The following OR51B5 variants were observed in gnomAD, a reference collection of about 807,000 sequenced individuals.
OR51B5 encodes the protein olfactory receptor 51B5.
For missense variants in OR51B5, 456 were observed against 374.6 expected (o/e 1.22, Z -1.79); for synonymous variants, 186 against 144.8 (o/e 1.28, Z -2.04).
chr11:5,390,404 G>C (rs753784765), intron 1 of OR51B5: 4 of 1,539,204 alleles, frequency 2.6e-6, no homozygotes, highest in East Asian at 2.3e-5. Context: ...ACTCCCCCTA[G>C]AGGCCTATAA....
chr11:5,343,260 C>T lies in OR51B5; in HGVS notation c.265G>A (p.Glu89Lys), dbSNP rs1441314371. Residue 89 changes from glutamate to lysine, a missense_variant, in exon 1 of 1, where the codon GAG becomes AAG. By Grantham distance (56) the Glu-to-Lys change is moderately conservative. Transcript: ENST00000300773. Reference sequence around the variant, plus strand: ...GAAAAGCAGGCCGCACTTCCAATCTCCCTGTGATCCAGCCAGAGGACTCCC... The same window carrying T: ...GAAAAGCAGGCCGCACTTCCAATCTTCCTGTGATCCAGCCAGAGGACTCCC... The T allele has an allele frequency of 3.1e-6, 5 of 1,613,324 alleles. No homozygotes were observed. The African/African-American group carries it at 4.0e-5, about 13-fold the overall frequency.
At chr11:5,421,234 G>A (rs1850330922) in intron 1 of OR51B5, among the ~76,000 whole-genome samples, 1 of 152,182 alleles carries the variant, frequency 6.6e-6, no homozygotes, top group South Asian at 2.1e-4. Flanking sequence ...GAAGCGACCT[G>A]CCACACCTTC....
At chr11:5,502,707 C>T (rs1441143292) in intron 1 of OR51B5, among the ~76,000 whole-genome samples, 2 of 152,166 alleles carry the variant, frequency 1.3e-5, no homozygotes, top group Non-Finnish European at 1.5e-5. Context: ...CCTTCTTATG[C>T]CTTAGTTTAC....
At chr11:5,492,595 G>A (rs897270319) in intron 1 of OR51B5, among the ~76,000 whole-genome samples, 3 of 152,176 alleles carry the variant, frequency 2.0e-5, no homozygotes, top group South Asian at 2.1e-4. Flanking sequence ...CAAGGGAATT[G>A]ATTGATTCTG....
intron 1 of OR51B5, among the ~76,000 whole-genome samples, chr11:5,370,592 C>G (rs1462872742): frequency 6.6e-6 from 1 of 152,174 alleles, no homozygotes; most frequent in Non-Finnish European, 1.5e-5. Flanking sequence ...AATAGAATAA[C>G]TAAATACATT....
rs138518754 is a variant in OR51B5 at position 5,382,850 on chromosome 11, T to C, written n.85-35940A>G. On this transcript the variant is annotated intron_variant and non_coding_transcript_variant, in intron 1 of 4. Coordinates refer to the OR51B5 transcript ENST00000415970. ...TCACAATGGCATGTCATAAACTTCA[T>C]GGGTCTCTGTCCTGGTTTTAGATCT... Among the ~76,000 whole-genome samples, 4 of 152,304 alleles carry C rather than the reference T, an allele frequency of 2.6e-5. No homozygotes were observed. The East Asian group carries it at 7.7e-4, about 29-fold the overall frequency.
At chr11:5,487,152 C>T (rs773460277) in intron 1 of OR51B5, among the ~76,000 whole-genome samples, 2 of 152,072 alleles carry the variant, frequency 1.3e-5, no homozygotes, top group African/African-American at 2.4e-5. Context: ...TAAAATGCCT[C>T]GTGATCTAAA....
chr11:5,418,934 A>C (rs2471992), intron 1 of OR51B5, among the ~76,000 whole-genome samples: 123,537 of 150,420 alleles, frequency 0.82, 51,567 homozygotes, highest in Non-Finnish European at 0.89. Context: ...ACCACAGTAT[A>C]CTTTGGTGAG....
chr11:5,346,181 C>A (rs765480085), upstream of OR51B5: 1 of 152,020 alleles, frequency 6.6e-6, no homozygotes, highest in Non-Finnish European at 1.5e-5. Flanking sequence ...AACTGTAAGG[C>A]AATGATTGTA....
exon 1 of OR51B5, chr11:5,343,380 C>T (rs267602946): frequency 1.2e-6 from 2 of 1,613,846 alleles, no homozygotes; most frequent in African/African-American, 1.3e-5. Flanking sequence ...TTGTGATCTT[C>T]CTTAATGAGA....
At chr11:5,389,868 G>T in intron 1 of OR51B5, 1 of 1,613,518 alleles carries the variant, frequency 6.2e-7, no homozygotes, top group Non-Finnish European at 8.5e-7. Context: ...GTCAGAGCAG[G>T]CCTAATTGTC....
chr11:5,398,306 G>T (rs937197597), intron 1 of OR51B5, among the ~76,000 whole-genome samples: 12 of 152,148 alleles, frequency 7.9e-5, no homozygotes, highest in African/African-American at 2.7e-4. Context: ...CTATATCTTT[G>T]CTTGTTTCCC....
rs1408497056 is a variant in OR51B5, at chr11:5,386,881, A to G, written n.85-39971T>C. On this transcript the variant is annotated intron_variant and non_coding_transcript_variant, in intron 1 of 4. Transcript: ENST00000415970. Reference sequence around the variant, plus strand: ...TCTTGAATGGCAGGAAATGGTGAATAATATTATAAAAAATGCATAAATATG... The same window carrying G: ...TCTTGAATGGCAGGAAATGGTGAATGATATTATAAAAAATGCATAAATATG... 2.0e-5 allele frequency among the ~76,000 whole-genome samples: 3 copies of G among 152,152 alleles called. No individual in the cohort carries two copies. In the East Asian group the frequency reaches 5.8e-4, roughly 29 times the overall value.
At chr11:5,452,361 C>G (rs1371612252) in intron 1 of OR51B5, among the ~76,000 whole-genome samples, 1 of 151,802 alleles carries the variant, frequency 6.6e-6, no homozygotes, top group Non-Finnish European at 1.5e-5. Context: ...AAAAAATTAG[C>G]CGGGCATGGT....
intron 1 of OR51B5, among the ~76,000 whole-genome samples, chr11:5,386,439 G>C (rs1849696573): frequency 6.6e-6 from 1 of 152,110 alleles, no homozygotes; most frequent in Non-Finnish European, 1.5e-5. Flanking sequence ...TTGTGAAGTA[G>C]TAATAAAATG....
chr11:5,399,926 G>T (rs1159481030), intron 1 of OR51B5, among the ~76,000 whole-genome samples: 1 of 152,084 alleles, frequency 6.6e-6, no homozygotes, highest in East Asian at 1.9e-4. Context: ...AAGATACAGG[G>T]TGCAGTGGGA....
chr11:5,352,701 T>G (rs898167304), intron 1 of OR51B5, among the ~76,000 whole-genome samples: 1 of 151,898 alleles, frequency 6.6e-6, no homozygotes, highest in African/African-American at 2.4e-5. Context: ...CTCAGGTAAT[T>G]TAACTCACAT....
chr11:5,452,900 GA>G (rs1487284240), intron 1 of OR51B5, among the ~76,000 whole-genome samples: 2 of 152,186 alleles, frequency 1.3e-5, no homozygotes, highest in Non-Finnish European at 2.9e-5. Context: ...TTCTGCCAAT[GA>G]AAAGCTCATG....
chr11:5,403,799 C>G (rs1850012984), intron 1 of OR51B5, among the ~76,000 whole-genome samples: 1 of 151,994 alleles, frequency 6.6e-6, no homozygotes, highest in South Asian at 2.1e-4. Flanking sequence ...CCTTGCATAC[C>G]TGGAGCAGGA....
Sources: allele counts gnomAD v4.1 joint callset (sites outside exome capture counted in the v4.1 genomes callset), GRCh38; gene constraint gnomAD v4.1.1; transcripts MANE v1.5; gene names NCBI Gene and HGNC (gene_info 2026-07-23, HGNC 2026-07-21).